Variants in MFF observed in about 807,000 individuals in gnomAD.
The protein encoded by MFF is chromosome 2 open reading frame 33.
A neutral mutation model predicts 36.9 loss-of-function variants in MFF; 12 were observed. The observed-to-expected ratio is 0.33, with a 90% CI of 0.21 to 0.53. MFF has a LOEUF of 0.53. MFF is among the 20% of genes least tolerant of loss of function. The pLI, the probability that MFF is intolerant of heterozygous loss-of-function variation, is 0.95. For synonymous variants in MFF, 99 were observed against 126.2 expected (o/e 0.78, Z 1.44); for missense variants, 348 against 366.6 (o/e 0.95, Z 0.42).
chr2:227,341,486 G>A (rs1445498330), intron 5 of MFF, among the ~76,000 whole-genome samples: 7 of 152,090 alleles, frequency 4.6e-5, no homozygotes, highest in Non-Finnish European at 1.0e-4. Flanking sequence ...TAGGAAGAGA[G>A]CAGGTTAAAA....
chr2:227,350,297 G>A lies in MFF; in HGVS notation c.600-2217G>A, dbSNP rs533085815. ...GGTCCTTAACTGGTTAGAAAATGCC[G>A]GTCTCTCCCTGTATCTGTTAGAGCT... On this transcript the variant is annotated intron_variant, in intron 6 of 8. Transcript: ENST00000304593. Among the ~76,000 whole-genome samples, 22 of 152,062 alleles carry A rather than the reference G, an allele frequency of 1.4e-4. No homozygotes were observed. In the South Asian group the frequency reaches 1.9e-3, roughly 13 times the overall value.
At chr2:227,338,845 A>C (rs78749744) in intron 4 of MFF, among the ~76,000 whole-genome samples, 1 of 66,348 alleles carries the variant, frequency 1.5e-5, no homozygotes, top group African/African-American at 3.4e-5. Flanking sequence ...AAAAAAAAAC[A>C]AAAAAAAAAA....
At chr2:227,340,788 A>G (rs1266179076) in intron 5 of MFF, among the ~76,000 whole-genome samples, 1 of 152,180 alleles carries the variant, frequency 6.6e-6, no homozygotes, top group East Asian at 1.9e-4. Flanking sequence ...TGTTTAAAAG[A>G]CTATTTGTTT....
chr2:227,331,973 T>A lies in MFF; in HGVS notation c.182-446T>A, dbSNP rs931336515. On this transcript the variant is annotated intron_variant, in intron 3 of 8. Coordinates refer to ENST00000304593, the MANE Select transcript of MFF (RefSeq NM_001277062.2). ...ACGCTGGAAGCATTTTTTTTTTTTT[T>A]TTTTTTTTTTTTTTTTGAGACGGAG... Among the ~76,000 whole-genome samples, 193 of 129,102 alleles carry A rather than the reference T, an allele frequency of 1.5e-3. 4 individuals are homozygous for A. In the East Asian group the frequency reaches 0.034, roughly 23 times the overall value. The allele number at this position is 129,102 out of a possible 152,430, so 84.7% of individuals were successfully genotyped here.
intron 8 of MFF, 28 bp from the exon 9 acceptor site, chr2:227,356,958 A>C: frequency 6.4e-7 from 1 of 1,570,562 alleles, no homozygotes; most frequent in Non-Finnish European, 8.7e-7. Flanking sequence ...TCTATATTAT[A>C]TTTTTTGTGT....
At chr2:227,352,663 G>A in intron 7 of MFF, 90 bp downstream of exon 7, 2 of 1,029,340 alleles carry the variant, frequency 1.9e-6, no homozygotes, top group Non-Finnish European at 3.0e-6. Flanking sequence ...CCATGCCTGT[G>A]TTTGTAGCTG....
chr2:227,334,746 T>C (rs2074858355), intron 4 of MFF, among the ~76,000 whole-genome samples: 1 of 152,182 alleles, frequency 6.6e-6, no homozygotes, highest in South Asian at 2.1e-4. Flanking sequence ...CATTACCGTC[T>C]TCCAAGTCAT....
chr2:227,328,438 C>T (rs984655838), intron 1 of MFF, among the ~76,000 whole-genome samples: 1 of 151,368 alleles, frequency 6.6e-6, no homozygotes, highest in African/African-American at 2.4e-5. Context: ...AAATACAAAT[C>T]AGAAACAATG....
intron 4 of MFF, among the ~76,000 whole-genome samples, chr2:227,335,043 C>T (rs62279171): frequency 0.32 from 48,605 of 151,480 alleles, 8,072 homozygotes; most frequent in Admixed American, 0.42. Context: ...GTGGTGTGGA[C>T]GCCTGTAATC....
intron 4 of MFF, among the ~76,000 whole-genome samples, chr2:227,336,480 G>A (rs115721255): frequency 0.012 from 1,789 of 152,310 alleles, 45 homozygotes; most frequent in African/African-American, 0.041. Flanking sequence ...AATCTGGAAA[G>A]AGCAAAATCA....
intron 6 of MFF, 37 bp downstream of exon 6, chr2:227,347,421 C>T (rs377737367): frequency 8.7e-6 from 14 of 1,604,386 alleles, no homozygotes; most frequent in African/African-American, 5.4e-5. Context: ...AGCTTTATTG[C>T]ATATTTTTTG....
chr2:227,343,572 T>C (rs554692067), intron 5 of MFF, among the ~76,000 whole-genome samples: 3 of 152,334 alleles, frequency 2.0e-5, no homozygotes, highest in African/African-American at 7.2e-5. Context: ...TATATTTGTG[T>C]TTTAGTGAAA....
At chr2:227,326,291 C>T (rs1466023744) in intron 1 of MFF, among the ~76,000 whole-genome samples, 2 of 151,424 alleles carry the variant, frequency 1.3e-5, no homozygotes, top group African/African-American at 2.4e-5. Context: ...TCAGGCCTCT[C>T]ATCCACCGAG....
chr2:227,351,871 A>G (rs1184365967), intron 6 of MFF: 1 of 152,198 alleles, frequency 6.6e-6, no homozygotes, highest in East Asian at 1.9e-4. Flanking sequence ...CAAATTGTGG[A>G]TTGCCCTTCC....
intron 7 of MFF, 27 bp from the exon 8 acceptor site, chr2:227,355,650 A>G (rs1318807374): frequency 5.6e-6 from 7 of 1,239,262 alleles, no homozygotes; most frequent in Admixed American, 1.8e-5. Context: ...TTTACTATTC[A>G]TTTGTATTTC....
chr2:227,332,845 A>C (rs141151207), intron 4 of MFF, among the ~76,000 whole-genome samples: 2 of 152,252 alleles, frequency 1.3e-5, no homozygotes, highest in African/African-American at 4.8e-5. Flanking sequence ...AAGAGCCTTT[A>C]TGGGTAGGTG....
At chr2:227,340,561 T>C (rs2075334755) in intron 5 of MFF, 181 bp downstream of exon 5, 1 of 550,642 alleles carries the variant, frequency 1.8e-6, no homozygotes, top group Non-Finnish European at 3.2e-6. Context: ...CTGAGAATTT[T>C]TCAGTCACCT....
intron 2 of MFF, chr2:227,329,746 A>G (rs2074429038): frequency 6.4e-7 from 1 of 1,567,492 alleles, no homozygotes; most frequent in African/African-American, 1.3e-5. Context: ...CTGTATTTAA[A>G]TGAGTAAAGG....
In MFF at chr2:227,350,374, G is replaced by A. The variant is rs1168123290; in HGVS notation, c.600-2140G>A. On this transcript the variant is annotated intron_variant, in intron 6 of 8. Transcript: ENST00000304593. ...ATTCGCATCTTCAAAAAGAAACTTAGTTCCTGTGTAAGAACCTTATTTAAA... is the reference window on the plus strand; with the variant it reads ...ATTCGCATCTTCAAAAAGAAACTTAATTCCTGTGTAAGAACCTTATTTAAA... 2.6e-5 allele frequency among the ~76,000 whole-genome samples: 4 copies of A among 152,098 alleles called. No homozygotes were observed. In the East Asian group the frequency reaches 7.7e-4, roughly 29 times the overall value.
Sources: allele counts gnomAD v4.1 joint callset (sites outside exome capture counted in the v4.1 genomes callset), GRCh38; gene constraint gnomAD v4.1.1; transcripts MANE v1.5; gene names NCBI Gene and HGNC (gene_info 2026-07-23, HGNC 2026-07-21).